The following DAB1 variants were observed in gnomAD, a reference collection of about 807,000 sequenced individuals.
DAB1 encodes the protein disabled homolog 1.
Under a neutral mutation model 64.6 loss-of-function variants are expected in DAB1, and 15 were observed. That is an observed-to-expected ratio of 0.23 (90% CI 0.16 to 0.36). DAB1 has a LOEUF of 0.36. Among genes scored for constraint, DAB1 ranks in the 10% least tolerant of loss-of-function variants. DAB1 has a pLI of 1.00. For synonymous variants in DAB1, 235 were observed against 251.9 expected (o/e 0.93, Z 0.64); for missense variants, 596 against 706.7 (o/e 0.84, Z 1.78).
At chr1:57,121,707 C>T (rs1450743893) in intron 4 of DAB1, among the ~76,000 whole-genome samples, 2 of 151,956 alleles carry the variant, frequency 1.3e-5, no homozygotes, top group East Asian at 3.9e-4. Context: ...ACATTTAAGT[C>T]TTTAATCCAT....
intron 1 of DAB1, among the ~76,000 whole-genome samples, chr1:57,312,881 G>A (rs556575183): frequency 2.0e-5 from 3 of 152,034 alleles, no homozygotes; most frequent in South Asian, 2.1e-4. Flanking sequence ...CCAGGGGGAC[G>A]GTTCCACACT....
chr1:58,367,551 T>C (rs1426729374), intron 3 of DAB1, among the ~76,000 whole-genome samples: 1 of 152,064 alleles, frequency 6.6e-6, no homozygotes, highest in African/African-American at 2.4e-5. Context: ...CAAATCTGAG[T>C]GTTCAGTTTG....
At position 57,321,430 on chromosome 1, in the gene DAB1, C is replaced by T. The variant is rs140791011; in HGVS notation, c.-136-30264G>A. Among the ~76,000 whole-genome samples the T allele has an allele frequency of 8.9e-4, 136 of 152,298 alleles. 1 individual carries two copies. In the East Asian group the frequency reaches 0.014, roughly 15 times the overall value. ...TTACCAACCCAGTGGCATCAACTCT[C>T]ACCTCTTGGCAGAGGATGTTCAAGT... On this transcript the variant is annotated intron_variant, in intron 1 of 14. Transcript: ENST00000371236.
intron 5 of DAB1, among the ~76,000 whole-genome samples, chr1:58,022,076 T>A (rs1163968703): frequency 1.3e-5 from 2 of 152,146 alleles, no homozygotes; most frequent in Non-Finnish European, 2.9e-5. Context: ...CCTAGACAGA[T>A]CCCATGGGCA....
intron 6 of DAB1, among the ~76,000 whole-genome samples, chr1:57,756,770 T>C (rs1648830314): frequency 6.6e-6 from 1 of 152,194 alleles, no homozygotes; most frequent in Non-Finnish European, 1.5e-5. Context: ...TAGCCTTCTC[T>C]ACATCTACTA....
At chr1:57,762,291 T>TTG (rs10543400) in intron 6 of DAB1, among the ~76,000 whole-genome samples, 4 of 151,642 alleles carry the variant, frequency 2.6e-5, no homozygotes, top group African/African-American at 9.7e-5. Context: ...TGGTAAAAGC[T>TTG]TGTGTGTGTG....
At chr1:57,757,223 C>T (rs1197050546) in intron 6 of DAB1, among the ~76,000 whole-genome samples, 1 of 55,878 alleles carries the variant, frequency 1.8e-5, no homozygotes, top group Non-Finnish European at 4.7e-5. Context: ...TTTTTTTTAG[C>T]AGCAATGATG....
intron 7 of DAB1, among the ~76,000 whole-genome samples, chr1:57,439,232 C>T (rs1005540478): frequency 1.4e-5 from 2 of 147,306 alleles, no homozygotes; most frequent in South Asian, 2.2e-4. Context: ...TAAAGCTGAC[C>T]CCAAGGAGAT....
At chr1:57,248,737 T>TA (rs1669093145) in intron 2 of DAB1, among the ~76,000 whole-genome samples, 1 of 152,250 alleles carries the variant, frequency 6.6e-6, no homozygotes, top group Non-Finnish European at 1.5e-5. Context: ...GAAGGTCTCC[T>TA]ATGCCCACAA....
intron 5 of DAB1, among the ~76,000 whole-genome samples, chr1:57,933,055 A>T (rs1205640067): frequency 6.6e-6 from 1 of 152,210 alleles, no homozygotes; most frequent in African/African-American, 2.4e-5. Context: ...TTTTTCTCCC[A>T]TATACACTAT....
At chr1:58,467,181 G>A (rs116130160) in intron 3 of DAB1, among the ~76,000 whole-genome samples, 358 of 152,296 alleles carry the variant, frequency 2.4e-3, no homozygotes, top group African/African-American at 8.2e-3. Flanking sequence ...AACTCCCCAA[G>A]TTGTGAGGAT....
intron 2 of DAB1, among the ~76,000 whole-genome samples, chr1:57,273,197 T>C (rs1345858673): frequency 6.6e-6 from 1 of 152,204 alleles, no homozygotes. Context: ...TGGCAACTTA[T>C]GATATTTGAG....
chr1:57,514,824 C>G (rs1186375828), intron 7 of DAB1, among the ~76,000 whole-genome samples: 1 of 152,172 alleles, frequency 6.6e-6, no homozygotes, highest in Non-Finnish European at 1.5e-5. Context: ...CCTCACCTGT[C>G]TATGCCTCTG....
intron 1 of DAB1, among the ~76,000 whole-genome samples, chr1:57,317,630 G>A (rs546122247): frequency 1.3e-5 from 2 of 151,942 alleles, no homozygotes; most frequent in Non-Finnish European, 2.9e-5. Flanking sequence ...TGAACACTAC[G>A]TTACTCAAAG....
intron 6 of DAB1, among the ~76,000 whole-genome samples, chr1:57,707,261 C>G (rs1646978821): frequency 6.6e-6 from 1 of 152,038 alleles, no homozygotes; most frequent in African/African-American, 2.4e-5. Context: ...ACACATCACA[C>G]AGTATGTGAC....
intron 4 of DAB1, among the ~76,000 whole-genome samples, chr1:57,107,074 A>AT (rs1655230946): frequency 1.3e-5 from 2 of 152,078 alleles, no homozygotes; most frequent in African/African-American, 4.8e-5. Context: ...TTCCCCAAGT[A>AT]TTAAAAAAAA....
At chr1:57,548,405 G>A (rs945990325) in intron 7 of DAB1, among the ~76,000 whole-genome samples, 1 of 152,036 alleles carries the variant, frequency 6.6e-6, no homozygotes, top group African/African-American at 2.4e-5. Context: ...CACCATAGAA[G>A]GAACTGCTCT....
chr1:57,768,122 A>G (rs1649397865), intron 6 of DAB1, among the ~76,000 whole-genome samples: 1 of 144,238 alleles, frequency 6.9e-6, no homozygotes, highest in South Asian at 2.3e-4. Flanking sequence ...GGTTGCAGTG[A>G]GCCAAGATCG....
intron 3 of DAB1, among the ~76,000 whole-genome samples, chr1:58,479,036 C>A (rs1197844014): frequency 1.3e-5 from 2 of 152,180 alleles, no homozygotes; most frequent in Non-Finnish European, 1.5e-5. Flanking sequence ...TAAAAAAAAT[C>A]TTTTTCATAT....
Sources: gnomAD v4.1 joint callset for allele counts (sites outside exome capture counted in the v4.1 genomes callset) on GRCh38, gnomAD v4.1.1 for gene constraint, MANE v1.5 for transcripts, NCBI Gene and HGNC (gene_info 2026-07-23, HGNC 2026-07-21) for gene names.